The following NMNAT1 variants were observed in gnomAD, a reference collection of about 807,000 sequenced individuals.
NMNAT1 encodes the protein nicotinamide/nicotinic acid mononucleotide adenylyltransferase 1.
In NMNAT1, 11 loss-of-function variants were observed where a neutral mutation model predicts 16.7. The ratio of observed to expected loss-of-function variants is 0.66; its 90% confidence interval spans 0.41 to 1.09. The LOEUF (loss-of-function observed/expected upper bound fraction) is 1.09, where lower values mean the gene tolerates loss of function less well. Among genes scored for constraint, NMNAT1 ranks in the 50% least tolerant of loss-of-function variants. The pLI is 0.00. For synonymous variants in NMNAT1, 110 were observed against 119.8 expected (o/e 0.92, Z 0.53); for missense variants, 280 against 332.3 (o/e 0.84, Z 1.22).
intron 1 of NMNAT1, among the ~76,000 whole-genome samples, chr1:9,970,643 C>T (rs1030603849): frequency 9.3e-5 from 14 of 150,772 alleles, no homozygotes; most frequent in Non-Finnish European, 1.9e-4. Flanking sequence ...GAGCTGAGAT[C>T]GCGCCAATGC....
At chr1:9,971,089 G>A (rs1019170642) in intron 1 of NMNAT1, among the ~76,000 whole-genome samples, 4 of 152,160 alleles carry the variant, frequency 2.6e-5, no homozygotes, top group African/African-American at 7.2e-5. Context: ...GGATGGCTAT[G>A]TTCCCCACAT....
intron 1 of NMNAT1, among the ~76,000 whole-genome samples, chr1:9,945,547 A>G (rs949224445): frequency 1.3e-5 from 2 of 152,078 alleles, no homozygotes; most frequent in African/African-American, 4.8e-5. Context: ...AAAAATACAA[A>G]AAATTAGCTG....
chr1:9,965,617 G>A (rs753189268), intron 1 of NMNAT1, among the ~76,000 whole-genome samples: 13 of 151,826 alleles, frequency 8.6e-5, no homozygotes, highest in Non-Finnish European at 1.6e-4. Context: ...TGGTCAAGCT[G>A]GTCTTGAACT....
At position 9,982,294 on chromosome 1, in the gene NMNAT1, T is replaced by C. The variant is rs745516342; in HGVS notation, c.440-7T>C. 2 of 1,603,730 alleles carry C rather than the reference T, an allele frequency of 1.2e-6. No homozygotes were observed. Among genetic ancestry groups the C allele is most frequent in the African/African-American group, 1.3e-5 (1 of 74,618 alleles). On this transcript the variant is annotated splice_region_variant and splice_polypyrimidine_tract_variant and intron_variant, in intron 4 of 4. Coordinates refer to ENST00000377205, the MANE Select transcript of NMNAT1 (RefSeq NM_022787.4). ...CATACCCCAAAGCTCTGTTTTATTC[T>C]TCCCAGCTGTGCCAAAGGTCAAGCT...
chr1:9,946,451 C>T (rs1640982916), intron 1 of NMNAT1, among the ~76,000 whole-genome samples: 1 of 152,176 alleles, frequency 6.6e-6, no homozygotes, highest in South Asian at 2.1e-4. Flanking sequence ...GAGGACACTT[C>T]AGCTTGGTCT....
intron 4 of NMNAT1, 103 bp from the exon 5 acceptor site, chr1:9,982,198 C>T (rs1641963205): frequency 2.8e-6 from 4 of 1,423,552 alleles, no homozygotes; most frequent in Admixed American, 4.5e-5. Context: ...TACGTATCTT[C>T]ATTTTGATAC....
At chr1:9,953,338 G>A (rs1248323134) in intron 1 of NMNAT1, among the ~76,000 whole-genome samples, 1 of 148,902 alleles carries the variant, frequency 6.7e-6, no homozygotes, top group African/African-American at 2.5e-5. Flanking sequence ...GTACAGTGGC[G>A]CCATCTCAGC....
intron 2 of NMNAT1, among the ~76,000 whole-genome samples, chr1:9,973,707 C>CAAAAA (rs1053350657): frequency 4.6e-5 from 1 of 21,622 alleles, no homozygotes; most frequent in African/African-American, 1.6e-4. Flanking sequence ...GACTCCATCT[C>CAAAAA]AAAAAAAAAA....
intron 1 of NMNAT1, among the ~76,000 whole-genome samples, chr1:9,963,219 C>T (rs1286428111): frequency 6.6e-6 from 1 of 152,052 alleles, no homozygotes; most frequent in Admixed American, 6.6e-5. Flanking sequence ...ATGTGCCATT[C>T]ACTAGCTTTG....
intron 1 of NMNAT1, among the ~76,000 whole-genome samples, chr1:9,954,861 GCGGAGGTTGCAGTGAGC>G (rs1313300028): frequency 6.7e-6 from 1 of 150,262 alleles, no homozygotes; most frequent in Non-Finnish European, 1.5e-5. Flanking sequence ...AACCCAGGAG[GCGGAGGTTGCAGTGAGC>G]CGAGATCACA....
intron 1 of NMNAT1, among the ~76,000 whole-genome samples, chr1:9,970,448 A>G (rs1641661946): frequency 6.6e-6 from 1 of 152,062 alleles, no homozygotes; most frequent in Admixed American, 6.6e-5. Context: ...TAATCCCAGC[A>G]CTTTGGGAAG....
Position 9,984,406 on chromosome 1 carries a change from C to A in NMNAT1, c.*1705C>A, listed in dbSNP as rs1642011548. ...CTTTGTACAAAGAACAAGCTTTGTA[C>A]AGAGAACAAGCTTGGCTTTTTCTCC... On this transcript the variant is annotated 3_prime_UTR_variant, in exon 5 of 5. Coordinates refer to ENST00000377205, the MANE Select transcript of NMNAT1 (RefSeq NM_022787.4). 6.6e-6 allele frequency: 1 copy of A among 152,126 alleles called. No individual in the cohort carries two copies. Among genetic ancestry groups the A allele is most frequent in the African/African-American group, 2.4e-5 (1 of 41,426 alleles). 9.4% of individuals were successfully genotyped at this position (152,126 alleles called of 1,614,324 possible).
the NMNAT1 span, among the ~76,000 whole-genome samples, chr1:9,992,284 T>C: frequency 6.6e-6 from 1 of 152,026 alleles, no homozygotes; most frequent in East Asian, 1.9e-4. Context: ...GACATTGCCA[T>C]CTTGCCCAGG....
rs1642032207 is a variant in NMNAT1, at chr1:9,985,368, G to A, written c.*2667G>A. The A allele has an allele frequency of 6.6e-6, 1 of 152,138 alleles. No homozygotes were observed. Among genetic ancestry groups the A allele is most frequent in the African/African-American group, 2.4e-5 (1 of 41,426 alleles). 9.4% of individuals were successfully genotyped at this position (152,138 alleles called of 1,614,324 possible). ...AATGGTGAGCTGAGCTTGAATCTAA[G>A]CTTTGTCTTCAGAGCCAGTACCCCT... On this transcript the variant is annotated 3_prime_UTR_variant, in exon 5 of 5. Coordinates refer to ENST00000377205, the MANE Select transcript of NMNAT1 (RefSeq NM_022787.4).
At chr1:9,974,590 G>C (rs935806038) in intron 2 of NMNAT1, among the ~76,000 whole-genome samples, 1 of 151,850 alleles carries the variant, frequency 6.6e-6, no homozygotes, top group Non-Finnish European at 1.5e-5. Flanking sequence ...GGGTTTCACC[G>C]TGTTAGCCAG....
At chr1:9,964,077 G>A (rs1309312287) in intron 1 of NMNAT1, among the ~76,000 whole-genome samples, 5 of 150,386 alleles carry the variant, frequency 3.3e-5, no homozygotes, top group Admixed American at 1.3e-4. Flanking sequence ...CTTTTGGTAG[G>A]GATGGGATTT....
chr1:9,944,098 CAA>C (rs1221877613), intron 1 of NMNAT1, among the ~76,000 whole-genome samples: 1 of 151,888 alleles, frequency 6.6e-6, no homozygotes, highest in Non-Finnish European at 1.5e-5. Flanking sequence ...ACTAAAAATA[CAA>C]AAAATTAGCT....
Position 9,979,348 on chromosome 1 carries a change from C to T in NMNAT1, c.300-1683C>T, listed in dbSNP as rs947424284. Reference sequence around the variant, plus strand: ...GAACATGGTGGCACGTGCCTGTAGTCGCAGCTATCTGGGAGGCTGAGGCGG... The same window carrying T: ...GAACATGGTGGCACGTGCCTGTAGTTGCAGCTATCTGGGAGGCTGAGGCGG... On this transcript the variant is annotated intron_variant, in intron 3 of 4. Coordinates refer to ENST00000377205, the MANE Select transcript of NMNAT1 (RefSeq NM_022787.4). 4.6e-5 allele frequency among the ~76,000 whole-genome samples: 7 copies of T among 152,150 alleles called. No individual in the cohort carries two copies. The East Asian group carries it at 5.8e-4, about 13-fold the overall frequency.
intron 1 of NMNAT1, among the ~76,000 whole-genome samples, chr1:9,969,334 G>C (rs551265533): frequency 6.0e-4 from 92 of 152,242 alleles, no homozygotes; most frequent in African/African-American, 2.1e-3. Flanking sequence ...TCAGAGGATA[G>C]GGCTCTTGGA....
Sources: gnomAD v4.1 joint callset for allele counts (sites outside exome capture counted in the v4.1 genomes callset) on GRCh38, gnomAD v4.1.1 for gene constraint, MANE v1.5 for transcripts, NCBI Gene and HGNC (gene_info 2026-07-23, HGNC 2026-07-21) for gene names.